Variants in WWOX observed in about 807,000 individuals in gnomAD.
WWOX encodes the protein WW domain containing oxidoreductase.
In WWOX, 69 loss-of-function variants were observed where a neutral mutation model predicts 46.2. That is an observed-to-expected ratio of 1.49 (90% CI 1.23 to 1.82). The LOEUF (loss-of-function observed/expected upper bound fraction) is 1.82, where lower values mean the gene tolerates loss of function less well. Among genes scored for constraint, WWOX ranks in the 40% most tolerant of loss-of-function variants. The pLI is 0.00. For missense variants in WWOX, 919 were observed against 542.6 expected (o/e 1.69, Z -6.89); for synonymous variants, 359 against 202.6 (o/e 1.77, Z -6.56).
intron 8 of WWOX, among the ~76,000 whole-genome samples, chr16:78,957,451 C>G (rs1384131262): frequency 6.6e-6 from 1 of 152,174 alleles, no homozygotes; most frequent in African/African-American, 2.4e-5. Flanking sequence ...CAGCCAGTGG[C>G]TCATTGTAGA....
chr16:78,168,027 G>C (rs2035031469), intron 5 of WWOX: 1 of 152,138 alleles, frequency 6.6e-6, no homozygotes, highest in African/African-American at 2.4e-5. Context: ...ATCAGTGTCG[G>C]GGCCGGGAAG....
intron 8 of WWOX, among the ~76,000 whole-genome samples, chr16:78,676,834 AAAT>A (rs1351896749): frequency 1.3e-5 from 2 of 152,198 alleles, no homozygotes; most frequent in African/African-American, 2.4e-5. Flanking sequence ...ACCTCAGGAA[AAAT>A]AATATTTTCT....
intron 8 of WWOX, among the ~76,000 whole-genome samples, chr16:79,127,265 A>T (rs1350742100): frequency 6.6e-6 from 1 of 152,020 alleles, no homozygotes; most frequent in African/African-American, 2.4e-5. Context: ...TTAGCACCTA[A>T]TTCCTCTTCT....
intron 8 of WWOX, among the ~76,000 whole-genome samples, chr16:78,980,687 C>T (rs1036275335): frequency 1.3e-5 from 2 of 152,148 alleles, no homozygotes; most frequent in Admixed American, 1.3e-4. Flanking sequence ...ACAATCAGAA[C>T]TTTGACCTTG....
At chr16:79,204,078 T>A (rs1273549862) in intron 8 of WWOX, 1 of 152,148 alleles carries the variant, frequency 6.6e-6, no homozygotes, top group African/African-American at 2.4e-5. Flanking sequence ...ATGCTTATTT[T>A]GTTGGCAAAT....
intron 8 of WWOX, among the ~76,000 whole-genome samples, chr16:79,037,075 A>T (rs1202709389): frequency 1.3e-5 from 2 of 152,084 alleles, no homozygotes; most frequent in Non-Finnish European, 2.9e-5. Context: ...TCTTCCTCAG[A>T]CTCAGGGCGG....
At chr16:78,890,664 G>A (rs2044570279) in intron 8 of WWOX, 1 of 152,186 alleles carries the variant, frequency 6.6e-6, no homozygotes, top group African/African-American at 2.4e-5. Context: ...TCCACAGCCA[G>A]TCTTTCCCTA....
intron 8 of WWOX, among the ~76,000 whole-genome samples, chr16:78,585,674 GGTTTTTTTTTTT>G (rs1304112946): frequency 7.0e-6 from 1 of 143,122 alleles, no homozygotes; most frequent in African/African-American, 2.8e-5. Flanking sequence ...TTTTGTTTTG[GGTTTTTTTTTTT>G]GTTTTTTTTT....
intron 8 of WWOX, among the ~76,000 whole-genome samples, chr16:78,661,601 C>G (rs2047214863): frequency 6.9e-6 from 1 of 144,256 alleles, no homozygotes; most frequent in Non-Finnish European, 1.5e-5. Flanking sequence ...ATTGTGTTGA[C>G]AGCCCTGTAA....
At chr16:78,189,770 T>A (rs772001270) in intron 5 of WWOX, among the ~76,000 whole-genome samples, 3 of 152,174 alleles carry the variant, frequency 2.0e-5, no homozygotes, top group South Asian at 2.1e-4. Context: ...TTCTCCTGGC[T>A]CAACCTCCTA....
At chr16:78,691,967 G>A (rs1041413645) in intron 8 of WWOX, among the ~76,000 whole-genome samples, 4 of 152,188 alleles carry the variant, frequency 2.6e-5, no homozygotes, top group East Asian at 1.9e-4. Flanking sequence ...TCTGATGGGT[G>A]TATCAGGAGT....
intron 8 of WWOX, among the ~76,000 whole-genome samples, chr16:79,168,428 G>A (rs1406647323): frequency 6.6e-6 from 1 of 152,140 alleles, no homozygotes; most frequent in East Asian, 1.9e-4. Flanking sequence ...GTTAAGGAGT[G>A]TTCTCAGGTA....
At chr16:78,100,022 GA>G in intron 1 of WWOX, 137 bp downstream of exon 1, 5 of 1,469,666 alleles carry the variant, frequency 3.4e-6, no homozygotes, top group East Asian at 2.8e-5. Context: ...GAGCTTCAGG[GA>G]AAAGGGTCCA....
At chr16:79,049,858 C>T (rs889133521) in intron 8 of WWOX, among the ~76,000 whole-genome samples, 7 of 147,392 alleles carry the variant, frequency 4.7e-5, no homozygotes, top group African/African-American at 1.5e-4. Context: ...AAAAAAGTTA[C>T]TTCTGAGTTA....
chr16:78,689,172 C>T (rs1010930506), intron 8 of WWOX, among the ~76,000 whole-genome samples: 4 of 152,158 alleles, frequency 2.6e-5, no homozygotes, highest in Non-Finnish European at 5.9e-5. Context: ...ACTTCCACCC[C>T]ACCAACAAAG....
At chr16:78,973,309 T>G (rs1051955723) in intron 8 of WWOX, among the ~76,000 whole-genome samples, 1 of 152,146 alleles carries the variant, frequency 6.6e-6, no homozygotes, top group Admixed American at 6.5e-5. Context: ...TGGGTACTTA[T>G]GTTCCCTAGT....
At chr16:78,883,575 T>C (rs1042333132) in intron 8 of WWOX, among the ~76,000 whole-genome samples, 23 of 151,798 alleles carry the variant, frequency 1.5e-4, no homozygotes, top group Non-Finnish European at 2.6e-4. Flanking sequence ...AATACAAAAA[T>C]TACCTGAGTG....
rs1322936445 is a variant in WWOX at position 78,802,937 on chromosome 16, A to G, written c.1056+370185A>G. On this transcript the variant is annotated intron_variant, in intron 8 of 8. Coordinates refer to ENST00000566780, the MANE Select transcript of WWOX (RefSeq NM_016373.4). Reference sequence around the variant, plus strand: ...TCTGAAAAAAAAAAAAAAAAAAAAAAAAAAACAACAAACAGAAAAATGAAC... The same window carrying G: ...TCTGAAAAAAAAAAAAAAAAAAAAAGAAAAACAACAAACAGAAAAATGAAC... Among the ~76,000 whole-genome samples the G allele has an allele frequency of 2.9e-4, 29 of 99,524 alleles. 8 individuals carry two copies. The highest frequency in any genetic ancestry group is 4.2e-4 in the Non-Finnish European group (21 of 50,444). The allele number at this position is 99,524 out of a possible 152,430, so 65.3% of individuals were successfully genotyped here. A position where few individuals can be genotyped will look rare whatever the true frequency, so the allele number is the denominator to read the frequency against.
intron 8 of WWOX, among the ~76,000 whole-genome samples, chr16:78,557,717 C>T (rs547762892): frequency 1.2e-3 from 90 of 76,852 alleles, no homozygotes; most frequent in Middle Eastern, 9.4e-3. Flanking sequence ...TTTTTTGAGA[C>T]AGGAGTCTCA....
Sources: allele counts gnomAD v4.1 joint callset (sites outside exome capture counted in the v4.1 genomes callset), GRCh38; gene constraint gnomAD v4.1.1; transcripts MANE v1.5; gene names NCBI Gene and HGNC (gene_info 2026-07-23, HGNC 2026-07-21).